Variants in MTUS2 observed in about 807,000 individuals in gnomAD.
The protein encoded by MTUS2 is microtubule-associated tumor suppressor candidate 2.
In MTUS2, 40 loss-of-function variants were observed where a neutral mutation model predicts 114.1. That is an observed-to-expected ratio of 0.35 (90% CI 0.27 to 0.46). MTUS2 has a LOEUF of 0.46. Ranked by LOEUF, MTUS2 falls within the 20% of genes least tolerant of loss-of-function variation. The pLI is 1.00. For missense variants in MTUS2, 1,679 were observed against 1,705.4 expected (o/e 0.98, Z 0.27); for synonymous variants, 688 against 672.0 (o/e 1.02, Z -0.37).
intron 2 of MTUS2, among the ~76,000 whole-genome samples, chr13:28,848,010 T>A (rs1011089143): frequency 6.6e-6 from 1 of 152,170 alleles, no homozygotes; most frequent in Non-Finnish European, 1.5e-5. Context: ...ATCTGCAGGA[T>A]AATGCCCCGA....
At chr13:28,904,089 C>T (rs962916510) in intron 2 of MTUS2, among the ~76,000 whole-genome samples, 1 of 152,078 alleles carries the variant, frequency 6.6e-6, no homozygotes, top group Non-Finnish European at 1.5e-5. Context: ...TATCCTTCGC[C>T]CACTTGTTGA....
chr13:28,906,509 T>G lies in MTUS2; in HGVS notation c.-243+66659T>G, dbSNP rs550839221. 1.5e-4 allele frequency among the ~76,000 whole-genome samples: 23 copies of G among 151,740 alleles called. No homozygotes were observed. In the East Asian group the frequency reaches 4.2e-3, roughly 28 times the overall value. On this transcript the variant is annotated intron_variant, in intron 2 of 15. Coordinates refer to ENST00000612955, the MANE Select transcript of MTUS2 (RefSeq NM_001033602.4). ...CTTTATTTCTGCCTTCATTTCGTTA[T>G]GTACCCAGTAGTCATTCAGGAGCTG...
At chr13:29,097,791 C>G (rs778979394) in intron 4 of MTUS2, among the ~76,000 whole-genome samples, 2 of 152,104 alleles carry the variant, frequency 1.3e-5, no homozygotes, top group Non-Finnish European at 2.9e-5. Flanking sequence ...ATTCTTATAA[C>G]CTAATTACCT....
chr13:29,159,694 C>T (rs2139072639), intron 5 of MTUS2, among the ~76,000 whole-genome samples: 1 of 152,080 alleles, frequency 6.6e-6, no homozygotes, highest in South Asian at 2.1e-4. Flanking sequence ...ATATGAGCAG[C>T]CATCTCACTG....
chr13:28,918,757 C>G (rs1010743207), intron 2 of MTUS2, among the ~76,000 whole-genome samples: 1 of 151,916 alleles, frequency 6.6e-6, no homozygotes, highest in African/African-American at 2.4e-5. Context: ...TTCCTTCTTT[C>G]CTTCCTTCCT....
chr13:29,008,809 A>G (rs1360820478), intron 2 of MTUS2, among the ~76,000 whole-genome samples: 3 of 152,022 alleles, frequency 2.0e-5, no homozygotes, highest in African/African-American at 2.4e-5. Flanking sequence ...TGTGCTTTGC[A>G]TATTGTAATT....
At chr13:29,126,562 A>G (rs552214867) in intron 5 of MTUS2, among the ~76,000 whole-genome samples, 32 of 152,232 alleles carry the variant, frequency 2.1e-4, no homozygotes, top group Non-Finnish European at 3.1e-4. Flanking sequence ...CATGCAGCCC[A>G]GGATGGGTTT....
At chr13:29,094,990 GAT>G (rs947663819) in intron 4 of MTUS2, among the ~76,000 whole-genome samples, 1 of 151,812 alleles carries the variant, frequency 6.6e-6, no homozygotes, top group African/African-American at 2.4e-5. Flanking sequence ...CCTTGTTATT[GAT>G]TTTTAATTTC....
chr13:29,054,523 A>G (rs953582188), intron 4 of MTUS2, among the ~76,000 whole-genome samples: 2 of 152,126 alleles, frequency 1.3e-5, no homozygotes, highest in Non-Finnish European at 2.9e-5. Context: ...CTGGAGAGAC[A>G]GGGGGAGTTG....
intron 2 of MTUS2, among the ~76,000 whole-genome samples, chr13:28,956,984 G>A (rs540986750): frequency 7.2e-5 from 11 of 151,912 alleles, no homozygotes; most frequent in African/African-American, 2.7e-4. Flanking sequence ...AGAGATAGGT[G>A]AGCTGGCGGG....
At chr13:29,192,175 G>A (rs142388094) in intron 5 of MTUS2, among the ~76,000 whole-genome samples, 2 of 152,256 alleles carry the variant, frequency 1.3e-5, no homozygotes, top group East Asian at 3.9e-4. Flanking sequence ...CTAGGTCTTA[G>A]ATATTTTGGT....
At chr13:29,383,999 T>C (rs573327621) in intron 8 of MTUS2, among the ~76,000 whole-genome samples, 1 of 152,342 alleles carries the variant, frequency 6.6e-6, no homozygotes, top group East Asian at 1.9e-4. Context: ...TTGACCTATA[T>C]TGTATATAAT....
At chr13:29,423,645 GAAAC>G (rs1753360817) in intron 8 of MTUS2, among the ~76,000 whole-genome samples, 2 of 152,080 alleles carry the variant, frequency 1.3e-5, no homozygotes, top group African/African-American at 2.4e-5. Context: ...AAGGTGAGAG[GAAAC>G]AAACAACAAT....
In MTUS2 at chr13:29,202,523, G is replaced by A. The variant is rs143669057; in HGVS notation, c.2645-79181G>A. On this transcript the variant is annotated intron_variant, in intron 5 of 15. Transcript: ENST00000612955. ...CTCCTTCTGTTGGTTTGTCAAACTC[G>A]TTCTCCATCCAGTTTTGTTCCCTTG... Among the ~76,000 whole-genome samples the A allele has an allele frequency of 7.9e-5, 12 of 152,124 alleles. No individual in the cohort carries two copies. In the East Asian group the frequency reaches 2.1e-3, roughly 27 times the overall value.
chr13:29,405,844 G>A (rs1163773164), intron 8 of MTUS2, among the ~76,000 whole-genome samples: 2 of 151,096 alleles, frequency 1.3e-5, no homozygotes, highest in African/African-American at 2.4e-5. Context: ...GGGTTTAAGC[G>A]ACTCTCCTGC....
intron 5 of MTUS2, among the ~76,000 whole-genome samples, chr13:29,117,754 G>A (rs554457162): frequency 7.2e-5 from 11 of 152,260 alleles, no homozygotes; most frequent in Admixed American, 6.5e-4. Context: ...AGCTGCAGCC[G>A]TCAACTGCCA....
intron 6 of MTUS2, among the ~76,000 whole-genome samples, chr13:29,302,270 C>G (rs1385939714): frequency 6.6e-6 from 1 of 152,172 alleles, no homozygotes. Flanking sequence ...AAGGAACCCC[C>G]ACCCCCAGCC....
chr13:29,017,467 C>T (rs146926657), intron 2 of MTUS2, among the ~76,000 whole-genome samples: 170 of 152,298 alleles, frequency 1.1e-3, no homozygotes, highest in African/African-American at 4.0e-3. Context: ...GCTGTACAAC[C>T]GTACTTCTCA....
intron 2 of MTUS2, among the ~76,000 whole-genome samples, chr13:28,894,984 C>T (rs554794704): frequency 1.7e-3 from 261 of 152,276 alleles, no homozygotes; most frequent in Admixed American, 2.4e-3. Context: ...TAAGATGAAA[C>T]AGTTTAAAAC....
Sources: gnomAD v4.1 joint callset for allele counts (sites outside exome capture counted in the v4.1 genomes callset) on GRCh38, gnomAD v4.1.1 for gene constraint, MANE v1.5 for transcripts, NCBI Gene and HGNC (gene_info 2026-07-23, HGNC 2026-07-21) for gene names.